ERBB4: variants seen among roughly 807,000 people sequenced by gnomAD.
ERBB4 encodes the protein erb-b2 receptor tyrosine kinase 4.
A neutral mutation model predicts 158.0 loss-of-function variants in ERBB4; 42 were observed. That is an observed-to-expected ratio of 0.27 (90% CI 0.21 to 0.34). ERBB4 has a LOEUF of 0.34. Ranked by LOEUF, ERBB4 falls within the 10% of genes least tolerant of loss-of-function variation. The pLI, the probability that ERBB4 is intolerant of heterozygous loss-of-function variation, is 1.00. For synonymous variants in ERBB4, 583 were observed against 558.7 expected, an observed-to-expected ratio of 1.04 and a Z score of -0.61; for missense variants, 1,333 against 1,624.1, an observed-to-expected ratio of 0.82 and a Z score of 3.08.
chr2:212,126,591 T>C (rs1294712719), intron 1 of ERBB4, among the ~76,000 whole-genome samples: 2 of 151,976 alleles, frequency 1.3e-5, no homozygotes, highest in East Asian at 3.9e-4. Flanking sequence ...TAATCCTAAG[T>C]AGATTAAAAA....
intron 25 of ERBB4, among the ~76,000 whole-genome samples, chr2:211,389,721 T>A (rs982425280): frequency 6.6e-6 from 1 of 152,110 alleles, no homozygotes; most frequent in African/African-American, 2.4e-5. Flanking sequence ...TGATAAGTGG[T>A]GTGAATTTGG....
At chr2:211,511,776 C>T (rs114126586) in intron 20 of ERBB4, among the ~76,000 whole-genome samples, 4,059 of 152,062 alleles carry the variant, frequency 0.027, 82 homozygotes, top group Middle Eastern at 0.082. Flanking sequence ...CTTGTAACCA[C>T]GGTAACATTG....
At chr2:211,781,867 T>C (rs948381768) in intron 4 of ERBB4, among the ~76,000 whole-genome samples, 1 of 152,164 alleles carries the variant, frequency 6.6e-6, no homozygotes, top group South Asian at 2.1e-4. Context: ...GCAGGCCTCC[T>C]GGGGCTTCAA....
intron 1 of ERBB4, among the ~76,000 whole-genome samples, chr2:212,191,856 TTCTATATATTATATATAA>T (rs1559705114): frequency 2.5e-5 from 3 of 118,614 alleles, no homozygotes; most frequent in Admixed American, 1.1e-4. Context: ...GTTATATATG[TTCTATATATTATATATAA>T]TACATATGTT....
chr2:211,826,689 A>G (rs1371199), intron 3 of ERBB4, among the ~76,000 whole-genome samples: 35,113 of 151,690 alleles, frequency 0.23, 4,176 homozygotes, highest in South Asian at 0.33. Flanking sequence ...GGAACAGGAA[A>G]CTAAATTTAG....
chr2:211,770,056 C>G (rs1277196415), intron 4 of ERBB4, among the ~76,000 whole-genome samples: 1 of 152,170 alleles, frequency 6.6e-6, no homozygotes, highest in Non-Finnish European at 1.5e-5. Flanking sequence ...CTCAGTTTTA[C>G]CAACCTAGCA....
At chr2:211,789,442 G>A (rs1035476668) in intron 3 of ERBB4, among the ~76,000 whole-genome samples, 1 of 152,130 alleles carries the variant, frequency 6.6e-6, no homozygotes, top group Admixed American at 6.6e-5. Flanking sequence ...CAGTCCTTCT[G>A]AATTGCAGGC....
intron 1 of ERBB4, among the ~76,000 whole-genome samples, chr2:212,417,389 ATCCAAAAAT>A (rs2091681914): frequency 6.6e-6 from 1 of 152,026 alleles, no homozygotes; most frequent in Non-Finnish European, 1.5e-5. Context: ...AGTATTCCTA[ATCCAAAAAT>A]CTAAAATCTG....
chr2:211,939,270 C>G (rs1220395987), intron 3 of ERBB4, among the ~76,000 whole-genome samples: 1 of 152,044 alleles, frequency 6.6e-6, no homozygotes, highest in African/African-American at 2.4e-5. Flanking sequence ...GTAAATAGAT[C>G]TAGATTCCAG....
At chr2:212,432,141 T>C (rs2092044558) in intron 1 of ERBB4, among the ~76,000 whole-genome samples, 1 of 152,162 alleles carries the variant, frequency 6.6e-6, no homozygotes, top group South Asian at 2.1e-4. Flanking sequence ...TCTATCTCTG[T>C]TGCTATCACC....
chr2:211,570,325 C>CTTTTTTTTTTTTT (rs769458178), intron 19 of ERBB4, among the ~76,000 whole-genome samples: 1 of 105,220 alleles, frequency 9.5e-6, no homozygotes, highest in Non-Finnish European at 1.7e-5. Context: ...CTAATTTTTG[C>CTTTTTTTTTTTTT]TTTTTTTTTT....
intron 3 of ERBB4, among the ~76,000 whole-genome samples, chr2:211,856,984 TAA>T (rs1346044636): frequency 2.0e-5 from 3 of 152,142 alleles, no homozygotes; most frequent in African/African-American, 7.2e-5. Context: ...CAAAATTATT[TAA>T]AAAGTTATTA....
chr2:211,654,281 C>T (rs928698488), intron 16 of ERBB4, among the ~76,000 whole-genome samples: 28 of 152,298 alleles, frequency 1.8e-4, no homozygotes, highest in African/African-American at 6.5e-4. Flanking sequence ...CAAACTTTCT[C>T]ATAAACATCC....
intron 7 of ERBB4, among the ~76,000 whole-genome samples, chr2:211,719,844 G>C (rs1174923351): frequency 7.1e-6 from 1 of 140,322 alleles, no homozygotes; most frequent in African/African-American, 2.7e-5. Context: ...GACAGAGCGA[G>C]ATTCTGTCTC....
intron 3 of ERBB4, among the ~76,000 whole-genome samples, chr2:211,832,629 TAC>T (rs2077248645): frequency 6.6e-6 from 1 of 150,512 alleles, no homozygotes; most frequent in Non-Finnish European, 1.5e-5. Context: ...TACATATATA[TAC>T]ACACATATAT....
At chr2:211,820,353 A>G (rs1260983738) in intron 3 of ERBB4, among the ~76,000 whole-genome samples, 1 of 151,864 alleles carries the variant, frequency 6.6e-6, no homozygotes, top group Non-Finnish European at 1.5e-5. Context: ...AAATTTCTGG[A>G]TACATACAAC....
chr2:211,673,116 T>C (rs748779902), intron 14 of ERBB4, 48 bp downstream of exon 14: 3 of 1,276,886 alleles, frequency 2.3e-6, no homozygotes, highest in African/African-American at 2.9e-5. Flanking sequence ...CAAACATTCA[T>C]ACATGATACT....
intron 2 of ERBB4, among the ~76,000 whole-genome samples, chr2:212,058,406 T>C (rs1448760640): frequency 6.7e-6 from 1 of 149,692 alleles, no homozygotes; most frequent in Non-Finnish European, 1.5e-5. Flanking sequence ...TTCCAATCAA[T>C]CGAAAAAGAG....
intron 1 of ERBB4, among the ~76,000 whole-genome samples, chr2:212,291,888 A>G (rs2086220163): frequency 6.6e-6 from 1 of 152,026 alleles, no homozygotes; most frequent in Admixed American, 6.6e-5. Flanking sequence ...TTTCAGAACA[A>G]TTGTAGGGAA....
Sources: gnomAD v4.1 joint callset for allele counts (sites outside exome capture counted in the v4.1 genomes callset) on GRCh38, gnomAD v4.1.1 for gene constraint, MANE v1.5 for transcripts, NCBI Gene and HGNC (gene_info 2026-07-23, HGNC 2026-07-21) for gene names.